TMEM223: variants seen among roughly 807,000 people sequenced by gnomAD.
The protein encoded by TMEM223 is transmembrane protein 223.
In TMEM223, 14 loss-of-function variants were observed where a neutral mutation model predicts 14.1. The observed-to-expected ratio is 0.99, with a 90% confidence interval of 0.66 to 1.55. The LOEUF is 1.55. TMEM223 is among the 40% of genes most tolerant of loss of function. TMEM223 has a pLI of 0.00. For missense variants in TMEM223, 346 were observed against 269.9 expected (o/e 1.28, Z -1.97); for synonymous variants, 145 against 120.5 (o/e 1.20, Z -1.33).
chr11:62,789,129 G>A, downstream of TMEM223: 2 of 1,614,136 alleles, frequency 1.2e-6, no homozygotes, highest in South Asian at 1.1e-5. Flanking sequence ...TTTGTAGCTG[G>A]GGCCTCTGGC....
intron 1 of TMEM223, 88 bp downstream of exon 1, chr11:62,791,591 G>A (rs1442689648): frequency 7.2e-7 from 1 of 1,385,300 alleles, no homozygotes; most frequent in Non-Finnish European, 9.5e-7. Flanking sequence ...CTCTCGGATA[G>A]GGAGTCCCTG....
Position 62,791,763 on chromosome 11 carries a change from C to A in TMEM223, c.232G>T (p.Asp78Tyr), listed in dbSNP as rs1394660559. ...SRPPVPVQPL[D>Y]AEVPNRGPFD... ...GGGCCACGATTTGGGACCTCCGCATCCAGAGGCTGCACCGGAACCGGGGGC... is the reference window on the plus strand; with the variant it reads ...GGGCCACGATTTGGGACCTCCGCATACAGAGGCTGCACCGGAACCGGGGGC... The change falls in exon 1 of 2, where the codon GAT becomes TAT. Residue 78 changes from aspartate to tyrosine, a missense_variant. Coordinates refer to ENST00000307366, the MANE Select transcript of TMEM223 (RefSeq NM_001080501.3). 1.3e-6 allele frequency: 2 copies of A among 1,565,792 alleles called. No individual in the cohort carries two copies. The highest frequency in any genetic ancestry group is 2.4e-5 in the South Asian group (2 of 85,106).
At chr11:62,782,630 C>T (rs2084238836), downstream of TMEM223, 1 of 1,591,782 alleles carries the variant, frequency 6.3e-7, no homozygotes, top group Admixed American at 1.7e-5. Flanking sequence ...TTTGTGTTGT[C>T]TTGTGCCCTG....
chr11:62,788,608 G>A (rs1189284514), downstream of TMEM223, among the ~76,000 whole-genome samples: 1 of 150,982 alleles, frequency 6.6e-6, no homozygotes, highest in Non-Finnish European at 1.5e-5. Flanking sequence ...GGAGGCTGAG[G>A]CAGGAGAATG....
downstream of TMEM223, among the ~76,000 whole-genome samples, chr11:62,785,545 T>C (rs895123221): frequency 2.7e-4 from 41 of 150,950 alleles, 1 homozygote; most frequent in Non-Finnish European, 4.4e-5. Flanking sequence ...ATTCTTTTTT[T>C]TTTTTTTGAG....
At chr11:62,789,718 T>C (rs745346320), downstream of TMEM223, 33 of 1,523,316 alleles carry the variant, frequency 2.2e-5, no homozygotes, top group African/African-American at 4.2e-5. Context: ...GACATAAATA[T>C]CTGTAGCTGT....
At chr11:62,773,760 G>C (rs679626) in intron 2 of TMEM223, among the ~76,000 whole-genome samples, 1 of 151,994 alleles carries the variant, frequency 6.6e-6, no homozygotes, top group South Asian at 2.1e-4. Context: ...AAATTCTTAC[G>C]ACTGGTTTGG....
chr11:62,782,749 A>G (rs2084239705), downstream of TMEM223: 1 of 1,612,808 alleles, frequency 6.2e-7, no homozygotes, highest in Non-Finnish European at 8.5e-7. Flanking sequence ...TCCCTGCAGA[A>G]GATCCTGGCA....
At chr11:62,774,712 G>C (rs1449620480) in intron 1 of TMEM223, 1 of 453,548 alleles carries the variant, frequency 2.2e-6, no homozygotes, top group East Asian at 7.0e-5. Context: ...AGCCAAACTG[G>C]GGAAGACCAA....
intron 1 of TMEM223, among the ~76,000 whole-genome samples, chr11:62,791,133 T>C (rs1201581495): frequency 6.6e-6 from 1 of 152,076 alleles, no homozygotes; most frequent in Non-Finnish European, 1.5e-5. Flanking sequence ...ACAACCTTAA[T>C]AGATGTCCGT....
chr11:62,772,594 C>T (rs1229205938), intron 2 of TMEM223, among the ~76,000 whole-genome samples: 1 of 149,884 alleles, frequency 6.7e-6, no homozygotes, highest in African/African-American at 2.5e-5. Context: ...ACTTTGGAGG[C>T]CGAGGTGGGC....
chr11:62,780,532 T>C (rs746003153), intron 1 of TMEM223, among the ~76,000 whole-genome samples: 2 of 151,826 alleles, frequency 1.3e-5, no homozygotes, highest in Non-Finnish European at 2.9e-5. Context: ...ATCACGCTGC[T>C]GCACTCCAGC....
chr11:62,778,019 C>T, intron 1 of TMEM223: 1 of 1,614,210 alleles, frequency 6.2e-7, no homozygotes, highest in Non-Finnish European at 8.5e-7. Flanking sequence ...TGCCCATGCG[C>T]CCCGCCAGGG....
downstream of TMEM223, among the ~76,000 whole-genome samples, chr11:62,785,166 T>C (rs1164184656): frequency 2.0e-5 from 3 of 151,800 alleles, no homozygotes; most frequent in Non-Finnish European, 2.9e-5. Context: ...CTGTAGACTT[T>C]TGTAAATTCT....
downstream of TMEM223, chr11:62,787,344 GAC>G: frequency 6.5e-7 from 1 of 1,526,956 alleles, no homozygotes. Flanking sequence ...CCCCGGAAAT[GAC>G]GTCTCCACCT....
intron 2 of TMEM223, among the ~76,000 whole-genome samples, chr11:62,774,242 A>C (rs983054936): frequency 2.1e-4 from 32 of 152,062 alleles, no homozygotes; most frequent in Non-Finnish European, 4.3e-4. Flanking sequence ...AAGCCCAGCT[A>C]ATTTTTTGTA....
At position 62,791,940 on chromosome 11, in the gene TMEM223, G is replaced by C. The variant is rs1389886548; in HGVS notation, c.55C>G (p.Leu19Val). ...CCTTGCAGGGGCCGGCAGGTGAGCAGGGGCCGCAGCACGGCTAGCAGCCCC... is the reference window on the plus strand; with the variant it reads ...CCTTGCAGGGGCCGGCAGGTGAGCACGGGCCGCAGCACGGCTAGCAGCCCC... Reference protein sequence around the residue: ...PTGLLAVLRPLLTCRPLQGTT... With the variant: ...PTGLLAVLRPVLTCRPLQGTT... Residue 19 changes from leucine to valine, a missense_variant, in exon 1 of 2, where the codon CTG (leucine) becomes GTG (valine). Transcript: ENST00000307366. 1 of 1,592,592 alleles carries C rather than the reference G, an allele frequency of 6.3e-7. No homozygotes were observed. Among genetic ancestry groups the C allele is most frequent in the African/African-American group, 1.3e-5 (1 of 74,482 alleles).
downstream of TMEM223, chr11:62,786,413 C>T (rs767946917): frequency 1.2e-6 from 2 of 1,607,640 alleles, no homozygotes; most frequent in African/African-American, 1.3e-5. Context: ...CTTCCAGCCT[C>T]CCTTCCCTGC....
downstream of TMEM223, among the ~76,000 whole-genome samples, chr11:62,788,305 A>G (rs1319898191): frequency 6.6e-6 from 1 of 152,166 alleles, no homozygotes; most frequent in African/African-American, 2.4e-5. Context: ...TCGGAGGCTG[A>G]GGCAGGAGAA....
Sources: gnomAD v4.1 joint callset for allele counts (sites outside exome capture counted in the v4.1 genomes callset) on GRCh38, gnomAD v4.1.1 for gene constraint, MANE v1.5 for transcripts, NCBI Gene and HGNC (gene_info 2026-07-23, HGNC 2026-07-21) for gene names.